FBXO25: variants seen among roughly 807,000 people sequenced by gnomAD.
FBXO25 encodes F-box protein 25.
A neutral mutation model predicts 51.9 loss-of-function variants in FBXO25; 45 were observed. The observed-to-expected ratio is 0.87, with a 90% CI of 0.68 to 1.11. The LOEUF (loss-of-function observed/expected upper bound fraction) is 1.11. Ranked by LOEUF, FBXO25 falls within the 50% of genes most tolerant of loss-of-function variation. The probability of loss-of-function intolerance (pLI) is 0.00; values close to 1 mark genes in which losing one functional copy is unlikely to be tolerated. For synonymous variants in FBXO25, 199 were observed against 151.0 expected (o/e 1.32, Z -2.33); for missense variants, 507 against 428.5 (o/e 1.18, Z -1.62).
chr8:407,453 T>C (rs889176751), intron 1 of FBXO25: 3 of 982,802 alleles, frequency 3.1e-6, no homozygotes, highest in Non-Finnish European at 3.6e-6. Context: ...GGAGGGTTCA[T>C]TCAGGGAGCT....
Position 473,984 on chromosome 8 carries a change from T to C in FBXO25, c.*5180T>C, listed in dbSNP as rs1800565252. 6.6e-6 allele frequency: 1 copy of C among 152,222 alleles called. No homozygotes were observed. Among genetic ancestry groups the C allele is most frequent in the Non-Finnish European group, 1.5e-5 (1 of 68,044 alleles). The allele number at this position is 152,222 out of a possible 1,614,324, so 9.4% of individuals were successfully genotyped here. ...CATCTTACCTATTTTAAGTGTGCAA[T>C]TTAGTGGCATTAAATACATTCATAC... On this transcript the variant is annotated 3_prime_UTR_variant, in exon 10 of 10. Coordinates refer to ENST00000350302, the MANE Select transcript of FBXO25 (RefSeq NM_183420.2).
At position 477,062 on chromosome 8, in the gene FBXO25, GTTGT is replaced by G. The variant is rs1445950985; in HGVS notation, c.*8261_*8264del. ...CCCCATTAATCTGCTGGTTGAGAGCGTTGTTTAATTTTCACATAATTGTGTACTT... is the reference window on the plus strand; with the variant it reads ...CCCCATTAATCTGCTGGTTGAGAGCGTTAATTTTCACATAATTGTGTACTT... On this transcript the variant is annotated 3_prime_UTR_variant, in exon 10 of 10. Transcript: ENST00000350302. 2 of 152,140 alleles carry G rather than the reference GTTGT, an allele frequency of 1.3e-5. No individual in the cohort carries two copies. The highest frequency in any genetic ancestry group is 2.4e-5 in the African/African-American group (1 of 41,416). 9.4% of individuals were successfully genotyped at this position (152,140 alleles called of 1,614,324 possible). A position where few individuals can be genotyped will look rare whatever the true frequency, so the allele number is the denominator to read the frequency against.
In FBXO25 at chr8:474,905, T is replaced by C. The variant is rs1377685351; in HGVS notation, c.*6101T>C. 1 of 455,686 alleles carries C rather than the reference T, an allele frequency of 2.2e-6. No homozygotes were observed. Among genetic ancestry groups the C allele is most frequent in the East Asian group, 7.0e-5 (1 of 14,384 alleles). 28.2% of individuals were successfully genotyped at this position (455,686 alleles called of 1,614,324 possible). ...AAATCACTGCCTCACCCTTTTCAGA[T>C]ATATCATTTTAAAATACTTTGTCCC... On this transcript the variant is annotated 3_prime_UTR_variant, in exon 10 of 10. Coordinates refer to ENST00000350302, the MANE Select transcript of FBXO25 (RefSeq NM_183420.2).
At chr8:451,065 C>G (rs1799053164) in intron 6 of FBXO25, 1 of 468,950 alleles carries the variant, frequency 2.1e-6, no homozygotes, top group South Asian at 4.3e-5. Context: ...TTTCACTTTG[C>G]ATAATGTCTT....
rs146619613 is a variant in FBXO25, at chr8:474,685, A to G, written c.*5881A>G. ...ATATGTCGTCTTTGGAGAAATGTCT[A>G]TTTGGGCTCTTTGTCCATTTTTCAA... is the stretch of plus-strand genomic sequence containing the variant. On this transcript the variant is annotated 3_prime_UTR_variant, in exon 10 of 10. Transcript: ENST00000350302. The G allele has an allele frequency of 1.3e-4, 59 of 453,134 alleles. No individual in the cohort carries two copies. The highest frequency in any genetic ancestry group is 1.1e-3 in the African/African-American group (55 of 49,848). The allele number at this position is 453,134 out of a possible 1,614,324, so 28.1% of individuals were successfully genotyped here. A position where few individuals can be genotyped will look rare whatever the true frequency, so the allele number is the denominator to read the frequency against.
At chr8:441,321 A>T (rs556931598) in intron 5 of FBXO25, among the ~76,000 whole-genome samples, 103 of 152,328 alleles carry the variant, frequency 6.8e-4, no homozygotes, top group African/African-American at 2.0e-3. Context: ...ATATGCAAAA[A>T]ACTGAAACTG....
Position 435,769 on chromosome 8 carries a change from T to C in FBXO25, c.381+62T>C. ...TTTTGAACAACTATATTTTGAAGATTGTAAGTGTACAACGTTGAAGATGCT... is the reference window on the plus strand; with the variant it reads ...TTTTGAACAACTATATTTTGAAGATCGTAAGTGTACAACGTTGAAGATGCT... On this transcript the variant is annotated intron_variant, in intron 5 of 9. Coordinates refer to ENST00000350302, the MANE Select transcript of FBXO25 (RefSeq NM_183420.2). 4 of 1,553,178 alleles carry C rather than the reference T, an allele frequency of 2.6e-6. No individual in the cohort carries two copies. The South Asian group carries it at 4.8e-5, about 19-fold the overall frequency.
chr8:467,830 C>T, intron 9 of FBXO25: 1 of 1,601,384 alleles, frequency 6.2e-7, no homozygotes, highest in Non-Finnish European at 8.6e-7. Context: ...ATCTTGGCCA[C>T]TGCCCGGCTC....
At chr8:414,791 C>T (rs1414600862) in intron 2 of FBXO25, among the ~76,000 whole-genome samples, 1 of 152,202 alleles carries the variant, frequency 6.6e-6, no homozygotes, top group Non-Finnish European at 1.5e-5. Context: ...GCTGGGTACC[C>T]TCTGTAGGGC....
rs1049377606 is a variant in FBXO25 at position 474,797 on chromosome 8, T to C, written c.*5993T>C. Reference sequence around the variant, plus strand: ...ACTTTGTCCCATTCCGTGGATTGCCTTTCACTCTGTTTTGTTCTTTGATGT... The same window carrying C: ...ACTTTGTCCCATTCCGTGGATTGCCCTTCACTCTGTTTTGTTCTTTGATGT... On this transcript the variant is annotated 3_prime_UTR_variant, in exon 10 of 10. Transcript: ENST00000350302. 1 of 431,400 alleles carries C rather than the reference T, an allele frequency of 2.3e-6. No homozygotes were observed. Among genetic ancestry groups the C allele is most frequent in the African/African-American group, 2.1e-5 (1 of 48,510 alleles). 26.7% of individuals were successfully genotyped at this position (431,400 alleles called of 1,614,324 possible).
intron 2 of FBXO25, chr8:420,428 A>T (rs1482268321): frequency 1.3e-5 from 2 of 152,104 alleles, no homozygotes; most frequent in African/African-American, 4.8e-5. Context: ...TGGCAGTCTC[A>T]CTCCTAGGTG....
In FBXO25 at chr8:468,903, C is replaced by A. The variant is rs1800370039; in HGVS notation, c.*99C>A. The stretch of plus-strand genomic sequence containing the variant: ...GAGGTGGGTGGAGACTCCTCGGAAG[C>A]CCCTGCTTCCAGAAAGCCTGGGAAG... On this transcript the variant is annotated 3_prime_UTR_variant, in exon 10 of 10. Coordinates refer to ENST00000350302, the MANE Select transcript of FBXO25 (RefSeq NM_183420.2). 1.8e-6 allele frequency: 2 copies of A among 1,107,856 alleles called. No homozygotes were observed. The highest frequency in any genetic ancestry group is 1.6e-5 in the African/African-American group (1 of 62,626). 68.6% of individuals were successfully genotyped at this position (1,107,856 alleles called of 1,614,324 possible).
rs1385914596 is a variant in FBXO25 at position 468,840 on chromosome 8, T to C, written c.*36T>C. 6.3e-7 allele frequency: 1 copy of C among 1,597,130 alleles called. No individual in the cohort carries two copies. The highest frequency in any genetic ancestry group is 2.2e-5 in the East Asian group (1 of 44,660). On this transcript the variant is annotated 3_prime_UTR_variant, in exon 10 of 10. Transcript: ENST00000350302. The stretch of plus-strand genomic sequence containing the variant: ...TGCCATCCCTATTGGAGATTGTGAA[T>C]CCTGCTGTCTGTGCAGGGCTCATAG...
rs1375229806 is a variant in FBXO25 at position 470,680 on chromosome 8, T to C, written c.*1876T>C. 1 of 152,186 alleles carries C rather than the reference T, an allele frequency of 6.6e-6. No homozygotes were observed. The highest frequency in any genetic ancestry group is 2.4e-5 in the African/African-American group (1 of 41,448). The allele number at this position is 152,186 out of a possible 1,614,324, so 9.4% of individuals were successfully genotyped here. On this transcript the variant is annotated 3_prime_UTR_variant, in exon 10 of 10. Transcript: ENST00000350302. ...ACAGGCATGAGCCACCACGTCCAGC[T>C]GAGAAAAGAAATTGTTCTAATCTAG...
chr8:466,362 G>A (rs890445059), intron 9 of FBXO25, among the ~76,000 whole-genome samples: 2 of 152,132 alleles, frequency 1.3e-5, no homozygotes, highest in East Asian at 1.9e-4. Flanking sequence ...TTGGTTTGAC[G>A]CCATGACCCA....
At chr8:452,770 G>C (rs984341389) in intron 7 of FBXO25, among the ~76,000 whole-genome samples, 1 of 152,200 alleles carries the variant, frequency 6.6e-6, no homozygotes, top group Non-Finnish European at 1.5e-5. Flanking sequence ...GGAGAGATGT[G>C]CACCGGTGGA....
chr8:461,707 C>T (rs1050961200), intron 8 of FBXO25, among the ~76,000 whole-genome samples: 1 of 152,174 alleles, frequency 6.6e-6, no homozygotes, highest in Non-Finnish European at 1.5e-5. Context: ...AATCGACTTT[C>T]TGTCTCTGTG....
chr8:450,106 A>C (rs758118143), intron 6 of FBXO25, 23 bp downstream of exon 6: 1 of 1,527,344 alleles, frequency 6.5e-7, no homozygotes, highest in Admixed American at 1.8e-5. Context: ...CTGTATTTTT[A>C]ATACTCTAAA....
chr8:437,201 G>A (rs2034353), intron 5 of FBXO25, among the ~76,000 whole-genome samples: 8,820 of 152,180 alleles, frequency 0.058, 275 homozygotes, highest in Middle Eastern at 0.078. Flanking sequence ...TTTTCTGTCG[G>A]TCATTTGTCT....
Sources: allele counts gnomAD v4.1 joint callset (sites outside exome capture counted in the v4.1 genomes callset), GRCh38; gene constraint gnomAD v4.1.1; transcripts MANE v1.5; gene names NCBI Gene and HGNC (gene_info 2026-07-23, HGNC 2026-07-21).